RBL2: variants seen among roughly 807,000 people sequenced by gnomAD.
RBL2 encodes RB transcriptional corepressor like 2, also known as retinoblastoma-like protein 2.
A neutral mutation model predicts 126.0 loss-of-function variants in RBL2; 56 were observed. That is an observed-to-expected ratio of 0.44 (90% CI 0.36 to 0.56). The LOEUF is 0.56. Among genes scored for constraint, RBL2 ranks in the 20% least tolerant of loss-of-function variants. The pLI is 0.00. For synonymous variants in RBL2, 454 were observed against 478.5 expected, an observed-to-expected ratio of 0.95 and a Z score of 0.67; for missense variants, 1,229 against 1,398.2, an observed-to-expected ratio of 0.88 and a Z score of 1.93.
At chr16:53,442,175 G>C (rs1402514637) in intron 2 of RBL2, among the ~76,000 whole-genome samples, 1 of 152,126 alleles carries the variant, frequency 6.6e-6, no homozygotes, top group Non-Finnish European at 1.5e-5. Context: ...GGCAGGAGGA[G>C]GTGGCTCACA....
At position 53,439,166 on chromosome 16, in the gene RBL2, A is replaced by G; in HGVS notation, c.371+20A>G. 1 of 1,563,336 alleles carries G rather than the reference A, an allele frequency of 6.4e-7. No homozygotes were observed. On this transcript the variant is annotated intron_variant, in intron 2 of 21. Coordinates refer to ENST00000262133, the MANE Select transcript of RBL2 (RefSeq NM_005611.4). ...GCAGAGGTAACTATGTTAGAGTTTG[A>G]CAAGTAGAGTATGGCTAATGTAAGC...
intron 4 of RBL2, among the ~76,000 whole-genome samples, chr16:53,450,566 TTAAGA>T (rs2058105891): frequency 6.6e-6 from 1 of 152,146 alleles, no homozygotes; most frequent in African/African-American, 2.4e-5. Flanking sequence ...TTCTAGAAAA[TTAAGA>T]TAATAATAAA....
chr16:53,488,641 GACT>G (rs980999702), intron 21 of RBL2: 34 of 152,258 alleles, frequency 2.2e-4, no homozygotes, highest in African/African-American at 7.9e-4. Flanking sequence ...CTAACATTTA[GACT>G]ACTATGAGAA....
chr16:53,462,903 C>T (rs569841997), intron 11 of RBL2, among the ~76,000 whole-genome samples: 13 of 152,292 alleles, frequency 8.5e-5, no homozygotes, highest in Non-Finnish European at 8.8e-5. Context: ...TGTAGTGGCA[C>T]GATCTCGGCT....
intron 4 of RBL2, among the ~76,000 whole-genome samples, chr16:53,450,505 C>T (rs1390070180): frequency 6.6e-6 from 1 of 151,942 alleles, no homozygotes; most frequent in East Asian, 1.9e-4. Context: ...CAGTGTTTAA[C>T]TAAAAAAGGA....
chr16:53,468,840 C>A (rs1414203314), intron 14 of RBL2, among the ~76,000 whole-genome samples: 2 of 152,130 alleles, frequency 1.3e-5, no homozygotes, highest in Non-Finnish European at 2.9e-5. Context: ...CTCAAAAATT[C>A]AGACATTGGT....
chr16:53,444,368 C>T (rs186631634), intron 3 of RBL2, among the ~76,000 whole-genome samples: 23 of 151,198 alleles, frequency 1.5e-4, no homozygotes, highest in East Asian at 1.2e-3. Flanking sequence ...GCCTGGCCAA[C>T]GTGGCGAAAC....
chr16:53,484,284 GCAGATGAATTGGAATGATAA>G (rs1344553432), intron 21 of RBL2, among the ~76,000 whole-genome samples: 3 of 152,132 alleles, frequency 2.0e-5, no homozygotes, highest in Non-Finnish European at 4.4e-5. Flanking sequence ...AATAGACAAA[GCAGATGAATTGGAATGATAA>G]TACTCAAAAG....
intron 8 of RBL2, among the ~76,000 whole-genome samples, chr16:53,458,239 G>A (rs910468853): frequency 6.6e-6 from 1 of 152,148 alleles, no homozygotes; most frequent in African/African-American, 2.4e-5. Context: ...GTTTTGCTAG[G>A]TTTTTTAAAA....
At chr16:53,448,363 T>A (rs2153140073) in intron 4 of RBL2, among the ~76,000 whole-genome samples, 1 of 152,326 alleles carries the variant, frequency 6.6e-6, no homozygotes, top group Middle Eastern at 3.4e-3. Flanking sequence ...TTCACCATCT[T>A]GGCCAGGCTG....
At chr16:53,439,170 G>A in intron 2 of RBL2, 24 bp downstream of exon 2, 4 of 1,553,130 alleles carry the variant, frequency 2.6e-6, no homozygotes, top group Non-Finnish European at 3.5e-6. Flanking sequence ...AGTTTGACAA[G>A]TAGAGTATGG....
At chr16:53,453,671 C>G in intron 6 of RBL2, 34 bp from the exon 7 acceptor site, 1 of 1,603,236 alleles carries the variant, frequency 6.2e-7, no homozygotes, top group Non-Finnish European at 8.5e-7. Context: ...CTTGATTTAA[C>G]ATGACGACTT....
intron 17 of RBL2, among the ~76,000 whole-genome samples, chr16:53,477,210 A>C (rs774320618): frequency 5.2e-4 from 79 of 152,176 alleles, no homozygotes; most frequent in Non-Finnish European, 9.1e-4. Context: ...TAAATGTACA[A>C]CTCCACCAGT....
intron 7 of RBL2, 84 bp from the exon 8 acceptor site, chr16:53,454,572 T>C (rs2058148419): frequency 5.6e-6 from 7 of 1,256,414 alleles, no homozygotes; most frequent in African/African-American, 3.1e-5. Flanking sequence ...ATTAGAACTT[T>C]TAGTAAATAA....
intron 21 of RBL2, 117 bp downstream of exon 21, chr16:53,481,952 G>A: frequency 1.7e-6 from 2 of 1,173,498 alleles, no homozygotes; most frequent in Non-Finnish European, 2.4e-6. Flanking sequence ...AGGGAGCAGT[G>A]ATCAGTCAGT....
chr16:53,470,264 A>G, intron 15 of RBL2, 79 bp downstream of exon 15: 1 of 1,559,892 alleles, frequency 6.4e-7, no homozygotes, highest in South Asian at 1.2e-5. Context: ...GGCTAGAGTG[A>G]CATAGGGGAC....
chr16:53,435,539 GCCATT>G, intron 1 of RBL2: 1 of 1,190,414 alleles, frequency 8.4e-7, no homozygotes, highest in Non-Finnish European at 1.1e-6. Context: ...GAGAAAAATG[GCCATT>G]CTAGCCAGTG....
At chr16:53,448,404 G>A (rs913526915) in intron 4 of RBL2, among the ~76,000 whole-genome samples, 4 of 152,162 alleles carry the variant, frequency 2.6e-5, no homozygotes, top group African/African-American at 9.7e-5. Flanking sequence ...TGATCCACCT[G>A]CGTCAGCCTC....
In RBL2 at chr16:53,442,830, C is replaced by A; in HGVS notation, c.544C>A (p.Pro182Thr). Residue 182 changes from proline to threonine, a missense_variant, in exon 3 of 22, where the codon CCT becomes ACT. Pro to Thr is a conservative substitution (Grantham distance 38). Around this residue, in one of 2 missense-constraint regions of RBL2, gnomAD observed 1,070 missense variants for 1,274.3 expected, o/e 0.84. Coordinates refer to ENST00000262133, the MANE Select transcript of RBL2 (RefSeq NM_005611.4). Reference protein sequence around the residue: ...DIFKYPQEEQPRQQRGRKQRR... With the variant: ...DIFKYPQEEQTRQQRGRKQRR... The stretch of plus-strand genomic sequence containing the variant: ...CTTTAAATACCCTCAAGAGGAGCAA[C>A]CTCGTCAGCAGCGAGGAAGGAAACA... 6.2e-7 allele frequency: 1 copy of A among 1,612,724 alleles called. No individual in the cohort carries two copies.
Sources: gnomAD v4.1 joint callset for allele counts (sites outside exome capture counted in the v4.1 genomes callset) on GRCh38, gnomAD v4.1.1 for gene constraint, gnomAD v4.1.1 regional missense constraint, MANE v1.5 for transcripts, NCBI Gene and HGNC (gene_info 2026-07-23, HGNC 2026-07-21) for gene names.